The following PCDHA11 variants were observed in gnomAD, a reference collection of about 807,000 sequenced individuals.
PCDHA11 encodes protocadherin alpha-11.
A neutral mutation model predicts 70.3 loss-of-function variants in PCDHA11; 61 were observed. The observed-to-expected ratio is 0.87, with a 90% CI of 0.71 to 1.07. The LOEUF (loss-of-function observed/expected upper bound fraction) is 1.07. Ranked by LOEUF, PCDHA11 falls within the 50% of genes least tolerant of loss-of-function variation. The probability of loss-of-function intolerance (pLI) is 0.00; values close to 1 mark genes in which losing one functional copy is unlikely to be tolerated. For synonymous variants in PCDHA11, 633 were observed against 555.1 expected (o/e 1.14, Z -1.97); for missense variants, 1,324 against 1,237.5 (o/e 1.07, Z -1.05).
At chr5:140,995,235 A>G (rs1313042272) in intron 3 of PCDHA11, among the ~76,000 whole-genome samples, 1 of 152,188 alleles carries the variant, frequency 6.6e-6, no homozygotes, top group Non-Finnish European at 1.5e-5. Flanking sequence ...TGGGGCCAGT[A>G]TTAAGTAAAA....
chr5:140,983,665 A>G (rs1161885514), intron 3 of PCDHA11, among the ~76,000 whole-genome samples: 3 of 152,248 alleles, frequency 2.0e-5, no homozygotes, highest in Non-Finnish European at 4.4e-5. Flanking sequence ...GGCAGAGGGT[A>G]GGATTCAAAC....
chr5:140,936,303 T>C (rs1223461427), intron 1 of PCDHA11, among the ~76,000 whole-genome samples: 3 of 152,236 alleles, frequency 2.0e-5, no homozygotes, highest in South Asian at 2.1e-4. Flanking sequence ...TGCTATCCAA[T>C]AGAACTTTCT....
chr5:140,942,316 A>G (rs1197832358), intron 1 of PCDHA11, among the ~76,000 whole-genome samples: 1 of 152,100 alleles, frequency 6.6e-6, no homozygotes, highest in Non-Finnish European at 1.5e-5. Flanking sequence ...AGGTCGAGGC[A>G]CAAGAATCAC....
At chr5:140,926,575 C>T in intron 1 of PCDHA11, 1 of 273,448 alleles carries the variant, frequency 3.7e-6, no homozygotes, top group Non-Finnish European at 6.8e-6. Flanking sequence ...CTGGAGACAG[C>T]ACCTCTCGCG....
intron 1 of PCDHA11, among the ~76,000 whole-genome samples, chr5:140,902,664 A>G (rs2069638514): frequency 6.6e-6 from 1 of 152,128 alleles, no homozygotes. Context: ...CTGTCACCCA[A>G]GCAGTGTACA....
chr5:140,961,028 C>T (rs889602727), intron 1 of PCDHA11, among the ~76,000 whole-genome samples: 2 of 152,146 alleles, frequency 1.3e-5, no homozygotes, highest in African/African-American at 4.8e-5. Context: ...TTGCTACCTC[C>T]TTGTTTTGAG....
rs1354537383 is a variant in PCDHA11 at position 140,982,283 on chromosome 5, A to G, written c.2451-192A>G. On this transcript the variant is annotated intron_variant, in intron 2 of 3. Coordinates refer to ENST00000398640, the MANE Select transcript of PCDHA11 (RefSeq NM_018902.5). The stretch of plus-strand genomic sequence containing the variant: ...TGTTCCTGGAATAGTATAGCAGGCA[A>G]TAAGTAAGTCAGCAATGCTTCTGCA... 1.7e-5 allele frequency: 18 copies of G among 1,044,438 alleles called. No homozygotes were observed. In the East Asian group the frequency reaches 2.7e-4, roughly 16 times the overall value. 64.7% of individuals were successfully genotyped at this position (1,044,438 alleles called of 1,614,324 possible).
At chr5:140,974,496 T>C (rs1554236114) in intron 1 of PCDHA11, among the ~76,000 whole-genome samples, 1 of 152,198 alleles carries the variant, frequency 6.6e-6, no homozygotes, top group Non-Finnish European at 1.5e-5. Flanking sequence ...TCAAATGTAT[T>C]ACCTTTGTGT....
intron 1 of PCDHA11, among the ~76,000 whole-genome samples, chr5:140,950,472 T>C (rs782525513): frequency 2.0e-5 from 3 of 152,084 alleles, no homozygotes; most frequent in East Asian, 1.9e-4. Context: ...TCATAGTTTC[T>C]GATGAGAAGT....
intron 1 of PCDHA11, among the ~76,000 whole-genome samples, chr5:140,951,286 T>G (rs537000082): frequency 7.9e-5 from 12 of 152,352 alleles, no homozygotes; most frequent in African/African-American, 2.6e-4. Context: ...TAATTTTGGA[T>G]TATATCTTGA....
chr5:140,914,944 CTT>C (rs35695909), intron 1 of PCDHA11, among the ~76,000 whole-genome samples: 2,964 of 128,208 alleles, frequency 0.023, 99 homozygotes, highest in African/African-American at 0.077. Flanking sequence ...GAAAAGTTGT[CTT>C]TTTTTTTTTT....
Position 140,957,818 on chromosome 5 carries a change from A to T in PCDHA11, c.2392-21131A>T, listed in dbSNP as rs568420954. On this transcript the variant is annotated intron_variant, in intron 1 of 3. Transcript: ENST00000398640. ...GTTAAGTAAAAAAAAGTCACAAATT[A>T]AGAGAAAGTGTTAATTGATTTGAGA... Among the ~76,000 whole-genome samples the T allele has an allele frequency of 9.3e-4, 141 of 151,940 alleles. 1 individual carries two copies. Among genetic ancestry groups the T allele is most frequent in the African/African-American group, 2.9e-3 (121 of 41,526 alleles).
chr5:141,006,365 C>A, intron 3 of PCDHA11, among the ~76,000 whole-genome samples: 1 of 151,966 alleles, frequency 6.6e-6, no homozygotes, highest in East Asian at 1.9e-4. Flanking sequence ...GCGCCCACCA[C>A]CACGCCCGGC....
chr5:140,884,239 C>T, intron 1 of PCDHA11: 1 of 1,613,424 alleles, frequency 6.2e-7, no homozygotes, highest in Non-Finnish European at 8.5e-7. Context: ...ACGGTGAGCC[C>T]GCGCTGACGG....
At chr5:140,871,612 G>T in intron 1 of PCDHA11, 118 bp downstream of exon 1, 1 of 1,427,256 alleles carries the variant, frequency 7.0e-7, no homozygotes, top group East Asian at 2.5e-5. Flanking sequence ...TTTGAATATT[G>T]TTTTAGATAA....
At chr5:140,966,805 T>G in intron 1 of PCDHA11, 1 of 1,545,566 alleles carries the variant, frequency 6.5e-7, no homozygotes, top group East Asian at 2.4e-5. Context: ...CGACAGAGCA[T>G]CCACGGCTCC....
At chr5:140,891,022 G>C (rs2062905127) in intron 1 of PCDHA11, among the ~76,000 whole-genome samples, 1 of 151,804 alleles carries the variant, frequency 6.6e-6, no homozygotes, top group South Asian at 2.1e-4. Context: ...TTTTCTGAGG[G>C]TATAATCTTA....
Position 140,982,457 on chromosome 5 carries a change from G to A in PCDHA11, c.2451-18G>A, listed in dbSNP as rs782510565. 6.2e-7 allele frequency: 1 copy of A among 1,613,966 alleles called. No homozygotes were observed. Among genetic ancestry groups the A allele is most frequent in the African/African-American group, 1.3e-5 (1 of 74,916 alleles). ...AATTTATGATCTAACCGTTATCTGG[G>A]TCTGTGTGTTTATTCAGCTCTGTGC... On this transcript the variant is annotated intron_variant, in intron 2 of 3. Transcript: ENST00000398640.
chr5:140,988,332 A>G (rs2097293198), intron 3 of PCDHA11, among the ~76,000 whole-genome samples: 1 of 152,230 alleles, frequency 6.6e-6, no homozygotes, highest in Non-Finnish European at 1.5e-5. Context: ...ACCCGAGGAA[A>G]GTAAGTCCTT....
Sources: allele counts gnomAD v4.1 joint callset (sites outside exome capture counted in the v4.1 genomes callset), GRCh38; gene constraint gnomAD v4.1.1; transcripts MANE v1.5; gene names NCBI Gene and HGNC (gene_info 2026-07-23, HGNC 2026-07-21).